The following ZNF185 variants were observed in gnomAD, a reference collection of about 807,000 sequenced individuals.
ZNF185 encodes zinc finger protein 185.
A neutral mutation model predicts 58.6 loss-of-function variants in ZNF185; 56 were observed. That is an observed-to-expected ratio of 0.95 (90% CI 0.77 to 1.19). The LOEUF (loss-of-function observed/expected upper bound fraction) is 1.19, where lower values mean the gene tolerates loss of function less well. Ranked by LOEUF, ZNF185 falls within the 50% of genes most tolerant of loss-of-function variation. ZNF185 has a pLI of 0.00. For synonymous variants in ZNF185, 230 were observed against 215.9 expected (o/e 1.07, Z -0.57); for missense variants, 627 against 573.5 (o/e 1.09, Z -0.95).
the ZNF185 span, among the ~76,000 whole-genome samples, chrX:152,902,252 C>T: frequency 5.3e-5 from 6 of 112,715 alleles, no homozygotes; most frequent in African/African-American, 1.9e-4. Flanking sequence ...TGGTTGCTGG[C>T]GGTGGTCCCT....
In ZNF185 at chrX:152,939,069, T is replaced by G. The variant is rs781929384; in HGVS notation, c.1211+906T>G. Among the ~76,000 whole-genome samples the G allele has an allele frequency of 7.2e-5, 8 of 111,884 alleles. No homozygotes were observed. In the South Asian group the frequency reaches 2.6e-3, roughly 36 times the overall value. On this transcript the variant is annotated intron_variant, in intron 15 of 22. Coordinates refer to ENST00000449285, the Ensembl canonical transcript of ZNF185. ...GGAGGGCCACAGATGGAGCAGGGCC[T>G]TGGTAAGCCATGGTTAAGAGATTGG...
intron 15 of ZNF185, chrX:152,941,694 C>G (rs949100722): frequency 1.7e-6 from 2 of 1,162,666 alleles, no homozygotes; most frequent in Non-Finnish European, 2.3e-6. Context: ...AAAATGCGAC[C>G]GTCCACAAAG....
rs781787965 is a variant in ZNF185, at chrX:152,969,496, G to C, written c.1974+12G>C. 1 of 1,166,144 alleles carries C rather than the reference G, an allele frequency of 8.6e-7. No individual in the cohort carries two copies. The highest frequency in any genetic ancestry group is 1.2e-6 in the Non-Finnish European group (1 of 859,857). ...AATATTGCTTTAAGGTAAAAAAGAG[G>C]TGGAAGACACCTTGAGCTAGGCGGT... On this transcript the variant is annotated intron_variant, in intron 21 of 22. Coordinates refer to ENST00000449285, the Ensembl canonical transcript of ZNF185.
chrX:152,933,291 T>G (rs187061211), intron 14 of ZNF185, among the ~76,000 whole-genome samples: 339 of 112,706 alleles, frequency 3.0e-3, no homozygotes, highest in African/African-American at 0.01. Context: ...AGGGAATACA[T>G]GAAGGGACAA....
intron 15 of ZNF185, among the ~76,000 whole-genome samples, chrX:152,942,250 AT>A (rs1295492780): frequency 8.9e-6 from 1 of 111,925 alleles, no homozygotes; most frequent in Non-Finnish European, 1.9e-5. Flanking sequence ...ACTCCGCCCT[AT>A]TCCATCTTGG....
chrX:152,912,301 A>G (rs1292550803), upstream of ZNF185, among the ~76,000 whole-genome samples: 1 of 112,516 alleles, frequency 8.9e-6, no homozygotes, highest in Non-Finnish European at 1.9e-5. Flanking sequence ...TGAAGGCAGC[A>G]TGGTGCCCTC....
Position 152,938,091 on chromosome X carries a change from T to TC in ZNF185, c.1140dup (p.Ser381LeufsTer6), listed in dbSNP as rs2046567876. 2.5e-6 allele frequency: 3 copies of TC among 1,179,786 alleles called. No homozygotes were observed. Among genetic ancestry groups the TC allele is most frequent in the Non-Finnish European group, 3.4e-6 (3 of 879,028 alleles). Reference sequence around the variant, plus strand: ...TTCCTCAGCTCCAGTGCCACTTCAGTCTCTGCTGTCCCTGCTGATAGGAAG... The same window carrying TC: ...TTCCTCAGCTCCAGTGCCACTTCAGTCCTCTGCTGTCCCTGCTGATAGGAAG... On this transcript the variant is annotated frameshift_variant, in exon 15 of 23. Coordinates refer to ENST00000449285, the Ensembl canonical transcript of ZNF185. LOFTEE classifies it high-confidence loss of function.
chrX:152,937,891 G>C (rs1299101713), intron 14 of ZNF185, among the ~76,000 whole-genome samples, 183 bp from the exon 17 acceptor site: 2 of 112,700 alleles, frequency 1.8e-5, no homozygotes, highest in African/African-American at 6.5e-5. Context: ...CATGTCCAAA[G>C]CTGACATGAG....
At chrX:152,945,075 A>G (rs1556893327) in intron 15 of ZNF185, among the ~76,000 whole-genome samples, 192 bp from the exon 18 acceptor site, 5 of 112,729 alleles carry the variant, frequency 4.4e-5, no homozygotes, top group Admixed American at 1.9e-4. Flanking sequence ...GGGAGCAGCG[A>G]TGCTGGGCTC....
chrX:152,904,511 A>C, the ZNF185 span, among the ~76,000 whole-genome samples: 1 of 112,566 alleles, frequency 8.9e-6, no homozygotes, highest in African/African-American at 3.2e-5. Context: ...ACCTGGCCAC[A>C]GGAGGCTGCT....
intron 16 of ZNF185, among the ~76,000 whole-genome samples, chrX:152,954,972 G>A (rs1019485242): frequency 9.0e-6 from 1 of 111,319 alleles, no homozygotes; most frequent in Admixed American, 9.5e-5. Flanking sequence ...AAGGTGGAGG[G>A]GGGGAAATGA....
chrX:152,913,062 G>A (rs1937601639), upstream of ZNF185, among the ~76,000 whole-genome samples: 1 of 112,493 alleles, frequency 8.9e-6, no homozygotes, highest in Admixed American at 9.3e-5. Flanking sequence ...AATTTGGTTT[G>A]CTCTCGTCCC....
At chrX:152,904,985 A>T in the ZNF185 span, among the ~76,000 whole-genome samples, 1 of 112,548 alleles carries the variant, frequency 8.9e-6, no homozygotes, top group South Asian at 3.7e-4. Flanking sequence ...TTAGAAGTGA[A>T]GGTCAGGGAG....
At chrX:152,972,960 C>G (rs1177432796) in exon 23 of ZNF185, 1 of 111,982 alleles carries the variant, frequency 8.9e-6, no homozygotes, top group African/African-American at 3.3e-5. Context: ...TTCTTCCTGC[C>G]AAATGATCAG....
At position 152,938,071 on chromosome X, in the gene ZNF185, C is replaced by G. The variant is rs781836846; in HGVS notation, c.1122-3C>G. ...CTCAGCAGGCCTGTGTTTCCTTCCT[C>G]AGCTCCAGTGCCACTTCAGTCTCTG... On this transcript the variant is annotated splice_region_variant and splice_polypyrimidine_tract_variant and intron_variant, in intron 14 of 22. Transcript: ENST00000449285. 28 of 1,173,654 alleles carry G rather than the reference C, an allele frequency of 2.4e-5. No individual in the cohort carries two copies. Among genetic ancestry groups the G allele is most frequent in the African/African-American group, 3.6e-5 (2 of 56,313 alleles).
the ZNF185 span, among the ~76,000 whole-genome samples, chrX:152,907,221 C>G: frequency 2.7e-5 from 3 of 112,271 alleles, no homozygotes; most frequent in Admixed American, 1.9e-4. Context: ...CTGCCGCCCC[C>G]GCTCCTCCAG....
chrX:152,909,970 C>T (rs1473938820), upstream of ZNF185, among the ~76,000 whole-genome samples: 1 of 99,777 alleles, frequency 1.0e-5, no homozygotes, highest in Non-Finnish European at 2.0e-5. Flanking sequence ...TGTAGTGATG[C>T]GATCTCAGCT....
At chrX:152,968,092 C>T (rs1338219134) in intron 20 of ZNF185, among the ~76,000 whole-genome samples, 4 of 111,947 alleles carry the variant, frequency 3.6e-5, no homozygotes, top group Non-Finnish European at 7.5e-5. Flanking sequence ...AGAATCCTAC[C>T]GGGCCCCAGA....
intron 21 of ZNF185, among the ~76,000 whole-genome samples, chrX:152,970,172 A>G (rs2050538548): frequency 9.0e-6 from 1 of 111,598 alleles, no homozygotes; most frequent in Admixed American, 9.5e-5. Flanking sequence ...AATCATGCCA[A>G]ACAGGTTCCC....
Sources: allele counts gnomAD v4.1 joint callset (sites outside exome capture counted in the v4.1 genomes callset), GRCh38; gene constraint gnomAD v4.1.1; transcripts MANE v1.5; gene names NCBI Gene and HGNC (gene_info 2026-07-23, HGNC 2026-07-21).